Variants in PIEZO2 observed in about 807,000 individuals in gnomAD.
PIEZO2 encodes piezo-type mechanosensitive ion channel component 2.
Under a neutral mutation model 337.3 loss-of-function variants are expected in PIEZO2, and 172 were observed. The observed-to-expected ratio is 0.51, with a 90% CI of 0.45 to 0.58. The LOEUF is 0.58. PIEZO2 is among the 20% of genes least tolerant of loss of function. The pLI is 0.00. For synonymous variants in PIEZO2, 1,251 were observed against 1,228.5 expected, an observed-to-expected ratio of 1.02 and a Z score of -0.38; for missense variants, 3,028 against 3,391.3, an observed-to-expected ratio of 0.89 and a Z score of 2.66.
chr18:10,827,190 GC>G (rs2144509634), intron 7 of PIEZO2, among the ~76,000 whole-genome samples: 1 of 152,180 alleles, frequency 6.6e-6, no homozygotes, highest in Non-Finnish European at 1.5e-5. Flanking sequence ...AAGGAAGAAG[GC>G]TTTCAATTTT....
chr18:10,807,062 G>A, intron 8 of PIEZO2, 50 bp downstream of exon 8: 2 of 1,477,582 alleles, frequency 1.4e-6, no homozygotes, highest in Non-Finnish European at 1.8e-6. Flanking sequence ...TTCACGTGGA[G>A]ATTCTAGGTT....
rs1248523414 is a variant in PIEZO2, at chr18:11,003,221, A to G, written c.161-23561T>C. 6.6e-6 allele frequency among the ~76,000 whole-genome samples: 1 copy of G among 152,216 alleles called. No individual in the cohort carries two copies. The highest frequency in any genetic ancestry group is 1.5e-5 in the Non-Finnish European group (1 of 68,042). On this transcript the variant is annotated intron_variant, in intron 2 of 55. Transcript: ENST00000674853. This position sits in a 1 kb window ranked among gnomAD's most constrained non-coding sequence, Gnocchi z 4.6. ...TAAGATAAGTTTCCATGTAAAACAGAAACCTCTGGTCTAGGATGTGTTTTC... is the reference window on the plus strand; with the variant it reads ...TAAGATAAGTTTCCATGTAAAACAGGAACCTCTGGTCTAGGATGTGTTTTC...
chr18:11,051,049 T>C (rs2037506654), intron 2 of PIEZO2, among the ~76,000 whole-genome samples: 1 of 152,168 alleles, frequency 6.6e-6, no homozygotes, highest in Non-Finnish European at 1.5e-5. Flanking sequence ...ATTATTCCCG[T>C]GGCCATTTTA....
chr18:10,983,728 C>A (rs2034760341), intron 2 of PIEZO2, among the ~76,000 whole-genome samples: 1 of 152,114 alleles, frequency 6.6e-6, no homozygotes, highest in South Asian at 2.1e-4. Flanking sequence ...CTGTGCCACC[C>A]TTTCCTATGG....
chr18:10,864,925 C>A (rs371848171), intron 5 of PIEZO2, among the ~76,000 whole-genome samples: 1 of 152,040 alleles, frequency 6.6e-6, no homozygotes, highest in African/African-American at 2.4e-5. Context: ...GAAGAGCATC[C>A]GTGCAAGAGT....
Position 10,672,866 on chromosome 18 carries a change from A to G in PIEZO2, c.8169T>C (p.Asn2723=). 6.3e-7 allele frequency: 1 copy of G among 1,598,396 alleles called. No individual in the cohort carries two copies. The highest frequency in any genetic ancestry group is 1.3e-5 in the African/African-American group (1 of 74,300). The change falls in exon 55 of 56, where the codon AAT becomes AAC. Residue 2723 remains asparagine (N), a synonymous_variant. Coordinates refer to ENST00000674853, the MANE Select transcript of PIEZO2 (RefSeq NM_001378183.1). This position sits in a 1 kb window ranked among gnomAD's most constrained non-coding sequence, Gnocchi z 4.7. The part of the protein sequence containing the change: ...KPIKQLLSEN[N]FMDITIILSR... ...ACAAAATGATGGTAATATCCATGAA[A>G]TTATTTTCTAGAAGGGTAGAAATGC...
At chr18:10,919,800 C>A (rs149076891) in intron 3 of PIEZO2, among the ~76,000 whole-genome samples, 2,679 of 152,152 alleles carry the variant, frequency 0.018, 93 homozygotes, top group East Asian at 0.11. Flanking sequence ...CAGTCTATAA[C>A]GCTTCCTCTA....
In PIEZO2 at chr18:11,070,771, G is replaced by C. The variant is rs2038314355; in HGVS notation, c.65-4549C>G. On this transcript the variant is annotated intron_variant, in intron 1 of 55. Transcript: ENST00000674853. This position sits in a 1 kb window ranked among gnomAD's most constrained non-coding sequence, Gnocchi z 4.3. ...GCTGGAAGCAAGAAGGGGAGGCCCG[G>C]GAGACTGAGCAGAGGACGCCAGGGA... 2.0e-5 allele frequency among the ~76,000 whole-genome samples: 3 copies of C among 152,200 alleles called. No individual in the cohort carries two copies. The highest frequency in any genetic ancestry group is 7.2e-5 in the African/African-American group (3 of 41,438).
rs559313789 is a variant in PIEZO2, at chr18:10,899,584, A to T, written c.329+11602T>A. Among the ~76,000 whole-genome samples, 12 of 152,284 alleles carry T rather than the reference A, an allele frequency of 7.9e-5. No homozygotes were observed. In the East Asian group the frequency reaches 2.3e-3, roughly 29 times the overall value. On this transcript the variant is annotated intron_variant, in intron 4 of 55. Coordinates refer to ENST00000674853, the MANE Select transcript of PIEZO2 (RefSeq NM_001378183.1). This position sits in a 1 kb window ranked among gnomAD's most constrained non-coding sequence, Gnocchi z 4.6. ...AGACTTGCACGTAGGATGCAGAACA[A>T]ATAAGAAATATGAAGCCTTCTCTTG...
Position 10,863,851 on chromosome 18 carries a change from A to C in PIEZO2, c.493-6640T>G, listed in dbSNP as rs11874473. On this transcript the variant is annotated intron_variant, in intron 5 of 55. Coordinates refer to ENST00000674853, the MANE Select transcript of PIEZO2 (RefSeq NM_001378183.1). This position sits in a 1 kb window ranked among gnomAD's most constrained non-coding sequence, Gnocchi z 4.3. ...TTGTAAAAATCACTTAATGGAACAC[A>C]ATCAAAACAAATCAGCAGTCACACA... 0.25 allele frequency among the ~76,000 whole-genome samples: 38,766 copies of C among 152,048 alleles called. 4,934 individuals carry two copies. The highest frequency in any genetic ancestry group is 0.27 in the Non-Finnish European group (18,222 of 67,988).
In PIEZO2 at chr18:10,855,615, CTTATCATTCAG is replaced by C; in HGVS notation, c.704-60_704-50del. On this transcript the variant is annotated intron_variant, in intron 6 of 55. Coordinates refer to ENST00000674853, the MANE Select transcript of PIEZO2 (RefSeq NM_001378183.1). The surrounding 1 kb of genome is among the most constrained non-coding windows in gnomAD (Gnocchi z 4.9). ...AAAGTCAGGTAGAACTGGAAATTCA[CTTATCATTCAG>C]TGAATGTGACTATTTGAAATTATGT... 1 of 1,387,578 alleles carries C rather than the reference CTTATCATTCAG, an allele frequency of 7.2e-7. No individual in the cohort carries two copies. The highest frequency in any genetic ancestry group is 9.8e-7 in the Non-Finnish European group (1 of 1,018,138). 86.0% of individuals were successfully genotyped at this position (1,387,578 alleles called of 1,614,324 possible).
chr18:11,052,223 A>C (rs1274389659), intron 2 of PIEZO2, among the ~76,000 whole-genome samples: 2 of 152,208 alleles, frequency 1.3e-5, no homozygotes, highest in Non-Finnish European at 2.9e-5. Context: ...TCAGTGCTTC[A>C]GATAAAGAAC....
chr18:10,744,076 G>T, intron 31 of PIEZO2, 66 bp downstream of exon 31: 1 of 1,164,316 alleles, frequency 8.6e-7, no homozygotes, highest in Non-Finnish European at 1.2e-6. Flanking sequence ...CAACAGTGGA[G>T]CACCAGCTGA....
At position 11,111,225 on chromosome 18, in the gene PIEZO2, C is replaced by T. The variant is rs76390984; in HGVS notation, c.64+37300G>A. Among the ~76,000 whole-genome samples the T allele has an allele frequency of 1.3e-4, 20 of 152,268 alleles. No individual in the cohort carries two copies. The East Asian group carries it at 3.7e-3, about 28-fold the overall frequency. The stretch of plus-strand genomic sequence containing the variant: ...CCAGGACTCTGGCCGCACCTGGGTC[C>T]CCCAGATGGAGATCTCTGGGGTCTG... On this transcript the variant is annotated intron_variant, in intron 1 of 55. Transcript: ENST00000674853. This position sits in a 1 kb window ranked among gnomAD's most constrained non-coding sequence, Gnocchi z 6.2.
At chr18:10,736,211 A>G (rs978195607) in intron 34 of PIEZO2, among the ~76,000 whole-genome samples, 1 of 152,258 alleles carries the variant, frequency 6.6e-6, no homozygotes, top group Non-Finnish European at 1.5e-5. Flanking sequence ...CAACAAAGCA[A>G]GGATTTTGTT....
chr18:10,686,304 T>A, intron 49 of PIEZO2, among the ~76,000 whole-genome samples: 1 of 152,318 alleles, frequency 6.6e-6, no homozygotes, highest in East Asian at 1.9e-4. Context: ...CTCTACATAT[T>A]TGGCTTCTTG....
At position 10,696,293 on chromosome 18, in the gene PIEZO2, G is replaced by A; in HGVS notation, c.6976-5C>T. The A allele has an allele frequency of 9.9e-6, 16 of 1,614,094 alleles. No homozygotes were observed. Among genetic ancestry groups the A allele is most frequent in the Non-Finnish European group, 1.4e-5 (16 of 1,179,954 alleles). ...GTCTGCAGCTGCTGAGTGTTTCTGGGGAAGAGACAACAAATTCATGCCCAA... is the reference window on the plus strand; with the variant it reads ...GTCTGCAGCTGCTGAGTGTTTCTGGAGAAGAGACAACAAATTCATGCCCAA... On this transcript the variant is annotated splice_region_variant and splice_polypyrimidine_tract_variant and intron_variant, in intron 46 of 55. Coordinates refer to ENST00000674853, the MANE Select transcript of PIEZO2 (RefSeq NM_001378183.1).
chr18:10,702,094 T>C lies in PIEZO2; in HGVS notation c.6336A>G (p.Lys2112=). The C allele has an allele frequency of 1.3e-6, 2 of 1,536,962 alleles. No individual in the cohort carries two copies. Among genetic ancestry groups the C allele is most frequent in the Non-Finnish European group, 8.7e-7 (1 of 1,146,812 alleles). The change falls in exon 43 of 56, where the codon AAA becomes AAG. Residue 2112 remains lysine (K), a synonymous_variant. Transcript: ENST00000674853. The part of the protein sequence containing the change: ...WNKNVEVNKD[K]PYHPPNIIGV... ...CTATGATGTTTGGGGGGTGATACGG[T>C]TTATCTTTGTTCACCTCCACATTCT...
At chr18:10,910,945 G>A (rs114031922) in intron 4 of PIEZO2, among the ~76,000 whole-genome samples, 237 of 151,512 alleles carry the variant, frequency 1.6e-3, no homozygotes, top group African/African-American at 5.5e-3. Flanking sequence ...TTCAAGATGC[G>A]TTTTCACATC....
Sources: allele counts gnomAD v4.1 joint callset (sites outside exome capture counted in the v4.1 genomes callset), GRCh38; gene constraint gnomAD v4.1.1; non-coding constraint Gnocchi (gnomAD v3.1); transcripts MANE v1.5; gene names NCBI Gene and HGNC (gene_info 2026-07-23, HGNC 2026-07-21).